Variants in HIPK3 observed in about 807,000 individuals in gnomAD.
The protein encoded by HIPK3 is homeodomain-interacting protein kinase 3.
In HIPK3, 47 loss-of-function variants were observed where a neutral mutation model predicts 124.2. The observed-to-expected ratio is 0.38, with a 90% CI of 0.30 to 0.48. The LOEUF is 0.48. Ranked by LOEUF, HIPK3 falls within the 20% of genes least tolerant of loss-of-function variation. HIPK3 has a pLI of 0.98. For missense variants in HIPK3, 1,286 were observed against 1,454.3 expected, an observed-to-expected ratio of 0.88 and a Z score of 1.88; for synonymous variants, 482 against 515.2, an observed-to-expected ratio of 0.94 and a Z score of 0.87.
At chr11:33,351,528 A>C in intron 14 of HIPK3, 80 bp from the exon 15 acceptor site, 1 of 917,386 alleles carries the variant, frequency 1.1e-6, no homozygotes, top group Non-Finnish European at 1.7e-6. Flanking sequence ...TCATCAGTTC[A>C]CTGGAGCCTG....
At chr11:33,348,427 T>C (rs1853562308) in intron 12 of HIPK3, 95 bp from the exon 13 acceptor site, 11 of 1,125,602 alleles carry the variant, frequency 9.8e-6, no homozygotes, top group Non-Finnish European at 1.4e-5. Flanking sequence ...CTCGAACAAG[T>C]GAAGGTTCTC....
intron 2 of HIPK3, among the ~76,000 whole-genome samples, chr11:33,311,910 TACAC>T (rs71034671): frequency 0.024 from 2,691 of 114,316 alleles, 76 homozygotes; most frequent in African/African-American, 0.048. Flanking sequence ...ACCCTGTTTC[TACAC>T]ACACACACAC....
Position 33,257,612 on chromosome 11 carries a change from C to A in HIPK3, c.-280C>A, listed in dbSNP as rs1174533917. ...CCTCGCCCTAGCCAAGCCGTCCCCA[C>A]CCCAAATCCCCGGGAAGGAAGATGA... On this transcript the variant is annotated 5_prime_UTR_variant, in exon 1 of 17. Transcript: ENST00000303296. The A allele has an allele frequency of 1.0e-6, 1 of 988,470 alleles. No individual in the cohort carries two copies. The highest frequency in any genetic ancestry group is 1.1e-4 in the East Asian group (1 of 8,886). The allele number at this position is 988,470 out of a possible 1,614,324, so 61.2% of individuals were successfully genotyped here.
chr11:33,282,289 G>A (rs1292906339), intron 1 of HIPK3, among the ~76,000 whole-genome samples: 1 of 152,132 alleles, frequency 6.6e-6, no homozygotes, highest in African/African-American at 2.4e-5. Context: ...GGAGGCTGAG[G>A]TGGGAGGATC....
chr11:33,306,331 A>G (rs1852158040), intron 2 of HIPK3, among the ~76,000 whole-genome samples: 1 of 152,172 alleles, frequency 6.6e-6, no homozygotes, highest in Admixed American at 6.5e-5. Context: ...AAAACAGGAT[A>G]CCATTTTCAA....
In HIPK3 at chr11:33,348,832, G is replaced by A. The variant is rs192349284; in HGVS notation, c.2666+14G>A. On this transcript the variant is annotated intron_variant, in intron 13 of 16. Transcript: ENST00000303296. ...TTCACTCAGAGAGTAAGTGCCAAAC[G>A]CTGCATCCTCAAAGGATATAGATGG... 4,032 of 1,606,364 alleles carry A rather than the reference G, an allele frequency of 2.5e-3. 5 individuals are homozygous for A. Among genetic ancestry groups the A allele is most frequent in the Non-Finnish European group, 3.2e-3 (3,741 of 1,174,582 alleles).
intron 1 of HIPK3, among the ~76,000 whole-genome samples, chr11:33,273,653 A>G (rs1324375381): frequency 6.6e-6 from 1 of 152,148 alleles, no homozygotes; most frequent in Non-Finnish European, 1.5e-5. Flanking sequence ...AATTAAAAAA[A>G]TACTTTGAAT....
chr11:33,258,289 C>T (rs947289158), intron 1 of HIPK3: 79 of 985,254 alleles, frequency 8.0e-5, no homozygotes, highest in Admixed American at 1.8e-4. Flanking sequence ...CCTCTCTTCC[C>T]CCTCCGCAGT....
intron 2 of HIPK3, among the ~76,000 whole-genome samples, chr11:33,310,544 A>G (rs973126910): frequency 1.3e-5 from 2 of 152,094 alleles, no homozygotes; most frequent in Non-Finnish European, 1.5e-5. Flanking sequence ...CCTGGCCTCA[A>G]GTGATTCGCC....
At chr11:33,312,609 G>A (rs978047630) in intron 2 of HIPK3, among the ~76,000 whole-genome samples, 1 of 152,190 alleles carries the variant, frequency 6.6e-6, no homozygotes, top group African/African-American at 2.4e-5. Flanking sequence ...GATCTTTCCA[G>A]TCTTCTTAAC....
chr11:33,286,760 T>G lies in HIPK3; in HGVS notation c.346T>G (p.Leu116Val), dbSNP rs756588954. ...APQIGAWRNR[L>V]HFLEGPQRCG... is the part of the protein sequence containing the mutation. ...TCAGATTGGGGCGTGGCGAAACAGA[T>G]TGCATTTCCTAGAAGGCCCCCAGCG... The change falls in exon 2 of 17, where the codon TTG becomes GTG. Residue 116 changes from leucine (L) to valine (V), a missense_variant. Physicochemically the swap from Leu to Val is conservative, Grantham distance 32. Coordinates refer to ENST00000303296, the MANE Select transcript of HIPK3 (RefSeq NM_005734.5). The G allele has an allele frequency of 6.2e-7, 1 of 1,614,048 alleles. No homozygotes were observed. The highest frequency in any genetic ancestry group is 1.1e-5 in the South Asian group (1 of 91,084).
intron 14 of HIPK3, among the ~76,000 whole-genome samples, 153 bp downstream of exon 14, chr11:33,349,440 GGTTTGTTTGTTT>G (rs200722435): frequency 6.6e-6 from 1 of 151,982 alleles, no homozygotes; most frequent in East Asian, 1.9e-4. Context: ...TATAAACACA[GGTTTGTTTGTTT>G]GTTTGTTTGT....
chr11:33,259,558 T>C (rs956024992), intron 1 of HIPK3, among the ~76,000 whole-genome samples: 2 of 152,242 alleles, frequency 1.3e-5, no homozygotes, highest in African/African-American at 4.8e-5. Context: ...GATACAGTTA[T>C]TTAGTTTTAA....
At chr11:33,351,471 G>T in intron 14 of HIPK3, 137 bp from the exon 15 acceptor site, 1 of 633,088 alleles carries the variant, frequency 1.6e-6, no homozygotes. Context: ...AGTGCTATTG[G>T]ACAAGGAAAA....
chr11:33,281,058 CTTTTTTTTTTTTTT>C lies in HIPK3; in HGVS notation c.-2-5339_-2-5326del, dbSNP rs56902582. On this transcript the variant is annotated intron_variant, in intron 1 of 16. Transcript: ENST00000303296. ...TTTATGTGTATATTTACTTATTTGA[CTTTTTTTTTTTTTT>C]TTTTTTTTTTTTTTTAAGGCAGAGT... 3.3e-4 allele frequency among the ~76,000 whole-genome samples: 37 copies of C among 111,800 alleles called. 1 individual carries two copies. Among genetic ancestry groups the C allele is most frequent in the Non-Finnish European group, 4.7e-4 (27 of 57,456 alleles). 73.3% of individuals were successfully genotyped at this position (111,800 alleles called of 152,430 possible).
At position 33,287,192 on chromosome 11, in the gene HIPK3, C is replaced by G; in HGVS notation, c.778C>G (p.Arg260Gly). The G allele has an allele frequency of 6.2e-7, 1 of 1,614,124 alleles. No individual in the cohort carries two copies. Among genetic ancestry groups the G allele is most frequent in the Non-Finnish European group, 8.5e-7 (1 of 1,180,006 alleles). ...TENADEYNFV[R>G]AYECFQHRNH... The stretch of plus-strand genomic sequence containing the variant: ...AAATGCTGATGAATATAACTTTGTA[C>G]GAGCTTATGAATGCTTTCAGCACCG... Residue 260 changes from arginine (R) to glycine (G), a missense_variant, in exon 2 of 17, where the codon CGA (arginine) becomes GGA (glycine). By Grantham distance (125) the Arg-to-Gly change is moderately radical (BLOSUM62 -2). Transcript: ENST00000303296.
At chr11:33,324,613 A>G (rs1255703475) in intron 2 of HIPK3, among the ~76,000 whole-genome samples, 3 of 152,216 alleles carry the variant, frequency 2.0e-5, no homozygotes, top group African/African-American at 7.2e-5. Context: ...GATGTGCTGC[A>G]GTGCTCAGGC....
At chr11:33,318,469 T>C (rs1852570228) in intron 2 of HIPK3, among the ~76,000 whole-genome samples, 1 of 152,214 alleles carries the variant, frequency 6.6e-6, no homozygotes, top group Non-Finnish European at 1.5e-5. Flanking sequence ...TCTTACTAGC[T>C]GTGTGACCTT....
intron 2 of HIPK3, among the ~76,000 whole-genome samples, chr11:33,294,057 G>A (rs1470025573): frequency 6.6e-6 from 1 of 151,744 alleles, no homozygotes; most frequent in African/African-American, 2.4e-5. Context: ...AGGAAGCTGA[G>A]GCAGGAGAAT....
Sources: gnomAD v4.1 joint callset for allele counts (sites outside exome capture counted in the v4.1 genomes callset) on GRCh38, gnomAD v4.1.1 for gene constraint, MANE v1.5 for transcripts, NCBI Gene and HGNC (gene_info 2026-07-23, HGNC 2026-07-21) for gene names.